The following C3orf20 variants were observed in gnomAD, a reference collection of about 807,000 sequenced individuals.
C3orf20 encodes family with sequence similarity 149 member C, also known as uncharacterized protein C3orf20.
C3orf20 carries 76 observed loss-of-function variants against 88.3 expected under a neutral mutation model. The ratio of observed to expected loss-of-function variants is 0.86; its 90% CI spans 0.72 to 1.04. C3orf20 has a LOEUF of 1.04. Ranked by LOEUF, C3orf20 falls within the 50% of genes least tolerant of loss-of-function variation. C3orf20 has a pLI of 0.00. For missense variants in C3orf20, 1,056 were observed against 1,123.3 expected, an observed-to-expected ratio of 0.94 and a Z score of 0.86; for synonymous variants, 436 against 437.4, an observed-to-expected ratio of 1.00 and a Z score of 0.04.
At chr3:14,722,579 C>G (rs1057349396) in intron 10 of C3orf20, 6 of 456,544 alleles carry the variant, frequency 1.3e-5, no homozygotes, top group Non-Finnish European at 2.6e-5. Flanking sequence ...TAGAGTCAGT[C>G]TCTCCCTCTG....
chr3:14,693,420 A>G (rs1274989465), intron 5 of C3orf20, among the ~76,000 whole-genome samples: 2 of 152,036 alleles, frequency 1.3e-5, no homozygotes, highest in African/African-American at 4.8e-5. Flanking sequence ...TATAGTTTTC[A>G]TTGTAGAAAT....
chr3:14,703,275 G>C lies in C3orf20; in HGVS notation c.878+13G>C. On this transcript the variant is annotated intron_variant, in intron 6 of 16. Transcript: ENST00000253697. ...TGTGTCGCCACATGTGAGCACCTCAGTGCTTGGGTCGGGGGAGTCAAGGGT... is the reference window on the plus strand; with the variant it reads ...TGTGTCGCCACATGTGAGCACCTCACTGCTTGGGTCGGGGGAGTCAAGGGT... 1.2e-6 allele frequency: 2 copies of C among 1,613,958 alleles called. No homozygotes were observed. Among genetic ancestry groups the C allele is most frequent in the Non-Finnish European group, 1.7e-6 (2 of 1,180,016 alleles).
At chr3:14,765,032 C>T (rs1575165092) in intron 15 of C3orf20, 2 of 152,294 alleles carry the variant, frequency 1.3e-5, no homozygotes, top group South Asian at 2.1e-4. Flanking sequence ...GTTGGCCGGC[C>T]GCATCACCTG....
At chr3:14,748,257 C>T (rs759194266) in intron 12 of C3orf20, among the ~76,000 whole-genome samples, 2 of 152,054 alleles carry the variant, frequency 1.3e-5, no homozygotes, top group Non-Finnish European at 2.9e-5. Flanking sequence ...TGTTGGCATA[C>T]AATTGTTCAC....
At chr3:14,708,924 A>G (rs1014825461) in intron 7 of C3orf20, among the ~76,000 whole-genome samples, 4 of 152,162 alleles carry the variant, frequency 2.6e-5, no homozygotes, top group African/African-American at 4.8e-5. Flanking sequence ...GATTACAGGC[A>G]TGAGCCACCA....
intron 12 of C3orf20, among the ~76,000 whole-genome samples, chr3:14,755,755 C>T (rs1039518239): frequency 6.6e-6 from 1 of 152,156 alleles, no homozygotes; most frequent in East Asian, 1.9e-4. Context: ...CTGGGCTGGG[C>T]GCGGCGGCTC....
chr3:14,723,908 C>G (rs556858086), intron 10 of C3orf20, among the ~76,000 whole-genome samples: 1 of 152,142 alleles, frequency 6.6e-6, no homozygotes, highest in Non-Finnish European at 1.5e-5. Flanking sequence ...TCACTGCAGC[C>G]TCCGCCTCCT....
intron 9 of C3orf20, among the ~76,000 whole-genome samples, chr3:14,716,129 C>A (rs1484826195): frequency 6.6e-6 from 1 of 152,146 alleles, no homozygotes; most frequent in African/African-American, 2.4e-5. Context: ...CAGTAGTATC[C>A]CCTACTCCAG....
intron 11 of C3orf20, 44 bp downstream of exon 11, chr3:14,727,068 C>T (rs2034377116): frequency 1.9e-6 from 3 of 1,610,788 alleles, no homozygotes; most frequent in Non-Finnish European, 2.5e-6. Flanking sequence ...TGTTGGCTTC[C>T]CCAGTCCTGA....
chr3:14,738,814 TG>T (rs1364467955), intron 12 of C3orf20, among the ~76,000 whole-genome samples: 54 of 135,286 alleles, frequency 4.0e-4, no homozygotes, highest in Non-Finnish European at 6.2e-4. Flanking sequence ...CTAATTTTTT[TG>T]TTTTTTTTTT....
chr3:14,689,443 T>A (rs1165817248), intron 4 of C3orf20, among the ~76,000 whole-genome samples: 1 of 152,168 alleles, frequency 6.6e-6, no homozygotes, highest in Non-Finnish European at 1.5e-5. Context: ...GGGGGAAGAA[T>A]AAACAAATGA....
chr3:14,754,364 A>G (rs978900076), intron 12 of C3orf20, among the ~76,000 whole-genome samples: 15 of 152,206 alleles, frequency 9.9e-5, no homozygotes, highest in African/African-American at 2.4e-4. Flanking sequence ...CAGAACCACA[A>G]TTCCTTGAGA....
chr3:14,721,521 A>G (rs770679712), intron 9 of C3orf20, 132 bp from the exon 10 acceptor site: 174 of 1,294,772 alleles, frequency 1.3e-4, no homozygotes, highest in Middle Eastern at 7.6e-4. Flanking sequence ...GAATTCTAAC[A>G]TAAGAACTGG....
intron 9 of C3orf20, among the ~76,000 whole-genome samples, chr3:14,718,535 C>T (rs1369589240): frequency 6.6e-6 from 1 of 152,158 alleles, no homozygotes; most frequent in African/African-American, 2.4e-5. Flanking sequence ...TCTTATCAGA[C>T]TGAGTTGGCC....
At chr3:14,767,473 T>A (rs1297434744) in intron 15 of C3orf20, 3 of 152,252 alleles carry the variant, frequency 2.0e-5, no homozygotes, top group Non-Finnish European at 4.4e-5. Context: ...TGGGCCTCAG[T>A]CCCCTCCCTG....
In C3orf20 at chr3:14,728,656, C is replaced by CA; in HGVS notation, c.1912dup (p.Ile638AsnfsTer57). The CA allele has an allele frequency of 6.2e-7, 1 of 1,613,950 alleles. No homozygotes were observed. Among genetic ancestry groups the CA allele is most frequent in the African/African-American group, 1.3e-5 (1 of 75,018 alleles). Reference sequence around the variant, plus strand: ...CTGTGAGCCCAGTTCGGAAGACCACCAAAATCCACACCAAAGCCAAGGTCA... The same window carrying CA: ...CTGTGAGCCCAGTTCGGAAGACCACCAAAAATCCACACCAAAGCCAAGGTCA... On this transcript the variant is annotated frameshift_variant, in exon 12 of 17. Transcript: ENST00000253697. LOFTEE classifies it high-confidence loss of function.
At chr3:14,680,127 A>G (rs2032007718) in intron 1 of C3orf20, among the ~76,000 whole-genome samples, 1 of 152,232 alleles carries the variant, frequency 6.6e-6, no homozygotes, top group South Asian at 2.1e-4. Context: ...GAGTTACCCC[A>G]TGACCCAGCA....
Position 14,703,223 on chromosome 3 carries a change from C to T in C3orf20, c.839C>T (p.Pro280Leu), listed in dbSNP as rs941740882. 1.2e-6 allele frequency: 2 copies of T among 1,614,186 alleles called. No individual in the cohort carries two copies. Among genetic ancestry groups the T allele is most frequent in the Non-Finnish European group, 1.7e-6 (2 of 1,180,036 alleles). The change falls in exon 6 of 17, where the codon CCT becomes CTT. Residue 280 changes from proline to leucine, a missense_variant. By Grantham distance (98) the Pro-to-Leu change is moderately conservative. Transcript: ENST00000253697. Reference protein sequence around the residue: ...ANSLEFSDPCPEAREKLQELC... With the variant: ...ANSLEFSDPCLEAREKLQELC... The stretch of plus-strand genomic sequence containing the variant: ...AGCCTGGAGTTCAGCGACCCCTGCC[C>T]TGAGGCCCGGGAGAAGCTGCAGGAG...
chr3:14,676,165 G>A (rs1276309248), intron 1 of C3orf20, among the ~76,000 whole-genome samples: 1 of 91,468 alleles, frequency 1.1e-5, no homozygotes, highest in Non-Finnish European at 2.1e-5. Flanking sequence ...GCACCTCCCC[G>A]CACCCCACCC....
Sources: gnomAD v4.1 joint callset for allele counts (sites outside exome capture counted in the v4.1 genomes callset) on GRCh38, gnomAD v4.1.1 for gene constraint, MANE v1.5 for transcripts, NCBI Gene and HGNC (gene_info 2026-07-23, HGNC 2026-07-21) for gene names.